DISP1: variants seen among roughly 807,000 people sequenced by gnomAD.
The protein encoded by DISP1 is dispatched RND transporter family member 1.
A neutral mutation model predicts 37.3 loss-of-function variants in DISP1; 30 were observed. The observed-to-expected ratio is 0.80, with a 90% CI of 0.60 to 1.09. The LOEUF (loss-of-function observed/expected upper bound fraction) is 1.09. DISP1 is among the 50% of genes least tolerant of loss of function. The pLI is 0.00. For synonymous variants in DISP1, 634 were observed against 690.2 expected, an observed-to-expected ratio of 0.92 and a Z score of 1.28; for missense variants, 1,598 against 1,879.5, an observed-to-expected ratio of 0.85 and a Z score of 2.77.
chr1:222,822,219 A>G (rs1000356640), intron 1 of DISP1, among the ~76,000 whole-genome samples: 1 of 152,374 alleles, frequency 6.6e-6, no homozygotes, highest in East Asian at 1.9e-4. Context: ...TTTCTGAACC[A>G]GACCTGGAAA....
At chr1:222,936,906 A>ATT (rs1245537583) in intron 2 of DISP1, among the ~76,000 whole-genome samples, 4 of 52,712 alleles carry the variant, frequency 7.6e-5, no homozygotes, top group African/African-American at 2.8e-4. Context: ...ATTTATATAT[A>ATT]ATATATTATA....
At chr1:222,964,393 T>C (rs1676309946) in intron 3 of DISP1, among the ~76,000 whole-genome samples, 1 of 152,172 alleles carries the variant, frequency 6.6e-6, no homozygotes. Flanking sequence ...TTCGAAGCCT[T>C]CCTCTTAATC....
At chr1:222,827,306 T>C (rs2125198405) in intron 1 of DISP1, 1 of 152,348 alleles carries the variant, frequency 6.6e-6, no homozygotes, top group East Asian at 1.9e-4. Context: ...ACATCCTGTG[T>C]TGAAGAGAAA....
At chr1:222,837,237 G>A in intron 1 of DISP1, 1 of 392,562 alleles carries the variant, frequency 2.5e-6, no homozygotes, top group Non-Finnish European at 4.5e-6. Context: ...CAGCAGCCTT[G>A]GATCCAGAGA....
intron 3 of DISP1, among the ~76,000 whole-genome samples, chr1:222,972,128 A>G (rs910889236): frequency 6.6e-6 from 1 of 152,072 alleles, no homozygotes; most frequent in Non-Finnish European, 1.5e-5. Flanking sequence ...AAAATATTAG[A>G]CAATAGTGAA....
Position 223,003,862 on chromosome 1 carries a change from C to G in DISP1, c.2465C>G (p.Ala822Gly), listed in dbSNP as rs1263103965. 6.2e-7 allele frequency: 1 copy of G among 1,614,176 alleles called. No homozygotes were observed. Among genetic ancestry groups the G allele is most frequent in the South Asian group, 1.1e-5 (1 of 91,078 alleles). ...LDSSFNIASP[A>G]SQAWILHFCQ... is the part of the protein sequence containing the mutation. ...AGCAGTTTTAACATCGCCAGCCCAG[C>G]TTCCCAGGCCTGGATTTTGCACTTC... The change falls in exon 9 of 9, where the codon GCT becomes GGT. Residue 822 changes from alanine (A) to glycine (G), a missense_variant. Coordinates refer to ENST00000675850, the MANE Select transcript of DISP1 (RefSeq NM_001377229.1). The surrounding 1 kb of genome is among the most constrained non-coding windows in gnomAD (Gnocchi z 4.3).
At position 222,829,028 on chromosome 1, in the gene DISP1, T is replaced by G. The variant is rs555440249; in HGVS notation, c.-159+13950T>G. 2.4e-3 allele frequency among the ~76,000 whole-genome samples: 366 copies of G among 152,272 alleles called. 3 individuals carry two copies. Among genetic ancestry groups the G allele is most frequent in the African/African-American group, 8.5e-3 (355 of 41,542 alleles). ...ATAAGTTCCTAGAAACTGATGAAAC[T>G]CTTTCATTTAGAGTCATAAGAAATA... is the stretch of plus-strand genomic sequence containing the variant. On this transcript the variant is annotated intron_variant, in intron 1 of 8. Coordinates refer to ENST00000675850, the MANE Select transcript of DISP1 (RefSeq NM_001377229.1).
intron 1 of DISP1, among the ~76,000 whole-genome samples, chr1:222,889,912 T>G (rs1670848956): frequency 6.6e-6 from 1 of 152,170 alleles, no homozygotes; most frequent in Non-Finnish European, 1.5e-5. Context: ...AGCTGTGCCT[T>G]TCAAGCTGTT....
At chr1:222,868,847 A>C (rs1181289596) in intron 1 of DISP1, among the ~76,000 whole-genome samples, 2 of 152,180 alleles carry the variant, frequency 1.3e-5, no homozygotes, top group Admixed American at 6.5e-5. Context: ...GATTCACATA[A>C]TGTTAAAAAT....
rs545661008 is a variant in DISP1 at position 222,820,161 on chromosome 1, T to G, written c.-159+5083T>G. Among the ~76,000 whole-genome samples, 21 of 152,248 alleles carry G rather than the reference T, an allele frequency of 1.4e-4. 1 individual carries two copies. The South Asian group carries it at 2.7e-3, about 20-fold the overall frequency. ...AAGCTAATCAAGGGCAGATTTTCTG[T>G]AAGGAGGGTGATTTTGAGTGTCTAT... is the stretch of plus-strand genomic sequence containing the variant. On this transcript the variant is annotated intron_variant, in intron 1 of 8. Coordinates refer to ENST00000675850, the MANE Select transcript of DISP1 (RefSeq NM_001377229.1).
At chr1:222,820,915 C>T (rs774646494) in intron 1 of DISP1, among the ~76,000 whole-genome samples, 2 of 152,146 alleles carry the variant, frequency 1.3e-5, no homozygotes, top group Admixed American at 6.5e-5. Flanking sequence ...TCTCCTACAG[C>T]TTTATGTTAC....
chr1:222,913,553 A>G (rs1351503572), intron 1 of DISP1, among the ~76,000 whole-genome samples: 1 of 151,996 alleles, frequency 6.6e-6, no homozygotes, highest in Non-Finnish European at 1.5e-5. Context: ...CTCTGCTATT[A>G]CTCCTTAACT....
At chr1:222,887,500 T>TGATGTC (rs1159656045) in intron 1 of DISP1, among the ~76,000 whole-genome samples, 40 of 124,588 alleles carry the variant, frequency 3.2e-4, no homozygotes, top group South Asian at 5.6e-4. Flanking sequence ...TTTTTTTTTT[T>TGATGTC]TTTTTTTTTG....
At chr1:222,996,568 CAGTT>C (rs1679084496) in intron 8 of DISP1, among the ~76,000 whole-genome samples, 1 of 152,174 alleles carries the variant, frequency 6.6e-6, no homozygotes, top group Non-Finnish European at 1.5e-5. Context: ...TGAATTCACT[CAGTT>C]AATTAATAGC....
chr1:222,898,936 A>T (rs17162913), intron 1 of DISP1, among the ~76,000 whole-genome samples: 1 of 152,086 alleles, frequency 6.6e-6, no homozygotes, highest in African/African-American at 2.4e-5. Context: ...CACATCTAAC[A>T]TGAAGTTATT....
chr1:222,819,485 T>C (rs1018260994), intron 1 of DISP1, among the ~76,000 whole-genome samples: 2 of 151,278 alleles, frequency 1.3e-5, no homozygotes, highest in African/African-American at 4.9e-5. Flanking sequence ...AAAGTTACTC[T>C]TTTTTTGTGG....
intron 1 of DISP1, among the ~76,000 whole-genome samples, chr1:222,862,263 C>G (rs1668918963): frequency 6.6e-6 from 1 of 151,730 alleles, no homozygotes; most frequent in Non-Finnish European, 1.5e-5. Flanking sequence ...TATTGTTAAC[C>G]CAGATTTATT....
intron 1 of DISP1, among the ~76,000 whole-genome samples, chr1:222,913,259 T>C (rs1329548643): frequency 6.6e-6 from 1 of 152,180 alleles, no homozygotes; most frequent in Non-Finnish European, 1.5e-5. Flanking sequence ...ACCAAATTAT[T>C]TTATAGGATA....
intron 1 of DISP1, among the ~76,000 whole-genome samples, chr1:222,855,178 G>T (rs1196792217): frequency 6.6e-6 from 1 of 152,174 alleles, no homozygotes; most frequent in Non-Finnish European, 1.5e-5. Flanking sequence ...GTTCCATCAT[G>T]TATGATGAGG....
Sources: gnomAD v4.1 joint callset for allele counts (sites outside exome capture counted in the v4.1 genomes callset) on GRCh38, gnomAD v4.1.1 for gene constraint, Gnocchi (gnomAD v3.1) non-coding constraint, MANE v1.5 for transcripts, NCBI Gene and HGNC (gene_info 2026-07-23, HGNC 2026-07-21) for gene names.